The following TRPM7 variants were observed in gnomAD, a reference collection of about 807,000 sequenced individuals.
TRPM7 encodes transient receptor potential cation channel subfamily M member 7.
Under a neutral mutation model 229.7 loss-of-function variants are expected in TRPM7, and 134 were observed. The observed-to-expected ratio is 0.58, with a 90% CI of 0.51 to 0.67. The LOEUF is 0.67. Ranked by LOEUF, TRPM7 falls within the 30% of genes least tolerant of loss-of-function variation. The pLI is 0.00. For missense variants in TRPM7, 1,901 were observed against 2,210.0 expected (o/e 0.86, Z 2.80); for synonymous variants, 699 against 715.2 (o/e 0.98, Z 0.36).
At chr15:50,570,677 TAAAAAAAAAAAA>T (rs149970874) in intron 36 of TRPM7, among the ~76,000 whole-genome samples, 5 of 91,748 alleles carry the variant, frequency 5.4e-5, no homozygotes, top group Admixed American at 2.5e-4. Context: ...ACTTCATTCC[TAAAAAAAAAAAA>T]AAAAAAAAAA....
Position 50,574,344 on chromosome 15 carries a change from C to T in TRPM7, c.5238G>A (p.Glu1746=). ...DEIIPTNTLE[E]IMLAFSHWTY... ...TCCAGTGGCTAAAGGCTAGCATGATCTCTTCCAGAGTATTAGTTGGAATAA... is the reference window on the plus strand; with the variant it reads ...TCCAGTGGCTAAAGGCTAGCATGATTTCTTCCAGAGTATTAGTTGGAATAA... Residue 1746 remains glutamate (E), a synonymous_variant, in exon 36 of 39, where the codon GAG becomes GAA. Coordinates refer to ENST00000646667, the MANE Select transcript of TRPM7 (RefSeq NM_017672.6). The T allele has an allele frequency of 6.2e-7, 1 of 1,614,006 alleles. No individual in the cohort carries two copies. The highest frequency in any genetic ancestry group is 8.5e-7 in the Non-Finnish European group (1 of 1,179,964).
chr15:50,676,381 T>C (rs2062094122), intron 1 of TRPM7, among the ~76,000 whole-genome samples: 1 of 152,042 alleles, frequency 6.6e-6, no homozygotes, highest in African/African-American at 2.4e-5. Context: ...TAGGTCCTAT[T>C]AGGCTAACCA....
In TRPM7 at chr15:50,614,164, G is replaced by A. The variant is rs375384731; in HGVS notation, c.1594C>T (p.Arg532Cys). The A allele has an allele frequency of 8.1e-6, 13 of 1,611,132 alleles. No homozygotes were observed. The highest frequency in any genetic ancestry group is 5.1e-5 in the Admixed American group (3 of 59,176). Residue 532 changes from arginine (R) to cysteine (C), a missense_variant, in exon 14 of 39, where the codon CGT (arginine) becomes TGT (cysteine). By Grantham distance (180) the Arg-to-Cys change is radical. Around this residue, in one of 8 missense-constraint regions of TRPM7, gnomAD observed 794 missense variants for 881.9 expected, o/e 0.90. Transcript: ENST00000646667. ...AGACTATTATATATTAATCGAAAAC[G>A]TTTCCTAGTATAGGTGCATCTGTAG... ...GTYRCTYTRK[R>C]FRLIYNSLGG... is the part of the protein sequence containing the mutation.
chr15:50,592,083 T>A lies in TRPM7; in HGVS notation c.4152A>T (p.Leu1384Phe), dbSNP rs1305046556. 1 of 1,611,126 alleles carries A rather than the reference T, an allele frequency of 6.2e-7. No homozygotes were observed. The highest frequency in any genetic ancestry group is 1.7e-5 in the Admixed American group (1 of 59,368). ...LLKIFNKNQKLGSSSTSIPHL... is the reference protein window; with the variant it reads ...LLKIFNKNQKFGSSSTSIPHL... ...GTGGTATGCTAGTAGATGAACTGCCTAATTTTTGATTTTTATTAAATATTT... is the reference window on the plus strand; with the variant it reads ...GTGGTATGCTAGTAGATGAACTGCCAAATTTTTGATTTTTATTAAATATTT... The change falls in exon 26 of 39, where the codon TTA (leucine) becomes TTT (phenylalanine). Residue 1384 changes from leucine (L) to phenylalanine (F), a missense_variant. Leu to Phe is a conservative substitution (Grantham distance 22, BLOSUM62 0). Transcript: ENST00000646667.
intron 2 of TRPM7, among the ~76,000 whole-genome samples, chr15:50,658,264 C>T (rs972750354): frequency 2.0e-5 from 3 of 152,136 alleles, no homozygotes; most frequent in African/African-American, 7.2e-5. Context: ...CTCGGCCTCC[C>T]AAAGTGCTAG....
chr15:50,599,585 T>C (rs967084325), intron 21 of TRPM7: 6 of 231,638 alleles, frequency 2.6e-5, no homozygotes, highest in Admixed American at 5.6e-5. Context: ...CCTATCTCTG[T>C]GGTACGTGAA....
intron 28 of TRPM7, among the ~76,000 whole-genome samples, chr15:50,585,056 T>G (rs1455578815): frequency 7.2e-6 from 1 of 139,182 alleles, no homozygotes; most frequent in South Asian, 2.4e-4. Context: ...TTGTATTTTT[T>G]TTTTTTTTTT....
At chr15:50,655,576 A>T (rs570824712) in intron 3 of TRPM7, among the ~76,000 whole-genome samples, 1 of 152,144 alleles carries the variant, frequency 6.6e-6, no homozygotes. Flanking sequence ...CCAAAGGAAT[A>T]GAAAAAAAAA....
intron 4 of TRPM7, among the ~76,000 whole-genome samples, chr15:50,646,258 A>T (rs1040718379): frequency 2.0e-5 from 3 of 152,056 alleles, no homozygotes; most frequent in Non-Finnish European, 4.4e-5. Context: ...AGGCAGAACA[A>T]TGTAGAGGTT....
rs749546283 is a variant in TRPM7, at chr15:50,624,303, A to G, written c.1306-3T>C. 1 of 1,576,796 alleles carries G rather than the reference A, an allele frequency of 6.3e-7. No homozygotes were observed. The highest frequency in any genetic ancestry group is 8.6e-7 in the Non-Finnish European group (1 of 1,165,768). Reference sequence around the variant, plus strand: ...ATAGCTTGTTCCAAGGATCCAACCTAGGAGTATCAAATTTAATAAATACAT... The same window carrying G: ...ATAGCTTGTTCCAAGGATCCAACCTGGGAGTATCAAATTTAATAAATACAT... On this transcript the variant is annotated splice_region_variant and splice_polypyrimidine_tract_variant and intron_variant, in intron 11 of 38. Transcript: ENST00000646667.
intron 38 of TRPM7, among the ~76,000 whole-genome samples, chr15:50,567,083 C>T (rs2053632758): frequency 6.6e-6 from 1 of 151,684 alleles, no homozygotes; most frequent in Non-Finnish European, 1.5e-5. Context: ...CACAAACTAC[C>T]AAAACTCACT....
chr15:50,609,555 T>G (rs771175828), intron 19 of TRPM7, 26 bp downstream of exon 19: 1 of 1,589,114 alleles, frequency 6.3e-7, no homozygotes, highest in Admixed American at 1.8e-5. Flanking sequence ...TTAAAAACAT[T>G]ATGCTTGTGT....
chr15:50,654,725 G>A (rs1470702650), intron 3 of TRPM7, among the ~76,000 whole-genome samples: 1 of 150,758 alleles, frequency 6.6e-6, no homozygotes, highest in African/African-American at 2.4e-5. Context: ...TGGGCTGGGC[G>A]CAGTGGCTCA....
At chr15:50,576,932 G>T (rs2140283724) in intron 31 of TRPM7, among the ~76,000 whole-genome samples, 1 of 152,106 alleles carries the variant, frequency 6.6e-6, no homozygotes, top group East Asian at 1.9e-4. Context: ...ACATGGCAAG[G>T]CCCCATTATC....
chr15:50,676,285 G>T (rs1375275466), intron 1 of TRPM7, among the ~76,000 whole-genome samples: 1 of 152,068 alleles, frequency 6.6e-6, no homozygotes, highest in African/African-American at 2.4e-5. Flanking sequence ...TGCTGTTAAG[G>T]TAACATGTGG....
chr15:50,664,226 A>G (rs1474653484), intron 1 of TRPM7, among the ~76,000 whole-genome samples: 1 of 146,598 alleles, frequency 6.8e-6, no homozygotes, highest in Non-Finnish European at 1.5e-5. Flanking sequence ...TGAACCAGGG[A>G]GTGAACCAGG....
chr15:50,682,376 G>A (rs1313746247), intron 1 of TRPM7, among the ~76,000 whole-genome samples: 4 of 149,690 alleles, frequency 2.7e-5, no homozygotes, highest in Non-Finnish European at 4.5e-5. Context: ...TCAAGAGATC[G>A]AGACCAGCCT....
Position 50,634,464 on chromosome 15 carries a change from G to A in TRPM7, c.925C>T (p.Pro309Ser). 3 of 1,585,324 alleles carry A rather than the reference G, an allele frequency of 1.9e-6. No individual in the cohort carries two copies. The highest frequency in any genetic ancestry group is 2.6e-6 in the Non-Finnish European group (3 of 1,168,152). Residue 309 changes from proline to serine, a missense_variant, in exon 8 of 39, where the codon CCT (proline) becomes TCT (serine). This residue lies in a region of TRPM7 where 794 missense variants were observed against 881.9 expected (regional missense o/e 0.90). Coordinates refer to ENST00000646667, the MANE Select transcript of TRPM7 (RefSeq NM_017672.6). ...TVLEYLQESP[P>S]VPVVVCEGTG... ...CCTTCACACACAACTACTGGAACAG[G>A]GGGGCTTTCCTGAAGGTATTCAAGA...
At chr15:50,565,366 T>C (rs1433325027) in intron 38 of TRPM7, among the ~76,000 whole-genome samples, 1 of 152,104 alleles carries the variant, frequency 6.6e-6, no homozygotes, top group Admixed American at 6.5e-5. Context: ...TAATTATATA[T>C]AGATGTGTGT....
Sources: gnomAD v4.1 joint callset for allele counts (sites outside exome capture counted in the v4.1 genomes callset) on GRCh38, gnomAD v4.1.1 for gene constraint, gnomAD v4.1.1 regional missense constraint, MANE v1.5 for transcripts, NCBI Gene and HGNC (gene_info 2026-07-23, HGNC 2026-07-21) for gene names.